Variants in FAM53A observed in about 807,000 individuals in gnomAD.
FAM53A encodes family with sequence similarity 53 member A.
Under a neutral mutation model 26.6 loss-of-function variants are expected in FAM53A, and 28 were observed. The ratio of observed to expected loss-of-function variants is 1.05; its 90% confidence interval spans 0.78 to 1.45. The LOEUF is 1.45. Ranked by LOEUF, FAM53A falls within the 40% of genes most tolerant of loss-of-function variation. FAM53A has a pLI of 0.00. For missense variants in FAM53A, 650 were observed against 575.8 expected (o/e 1.13, Z -1.32); for synonymous variants, 290 against 253.1 (o/e 1.15, Z -1.38).
chr4:1,666,749 C>A (rs1173673028), intron 2 of FAM53A, among the ~76,000 whole-genome samples: 1 of 152,276 alleles, frequency 6.6e-6, no homozygotes, highest in African/African-American at 2.4e-5. Flanking sequence ...CGCCTGTAAT[C>A]CCAACACTCT....
intron 2 of FAM53A, among the ~76,000 whole-genome samples, chr4:1,663,959 C>G (rs1277891838): frequency 1.3e-5 from 2 of 152,118 alleles, no homozygotes; most frequent in Non-Finnish European, 2.9e-5. Flanking sequence ...CCAGAACACA[C>G]ATGGGAGGGG....
intron 1 of FAM53A, among the ~76,000 whole-genome samples, chr4:1,626,815 A>C (rs982179751): frequency 6.6e-6 from 1 of 152,136 alleles, no homozygotes; most frequent in Non-Finnish European, 1.5e-5. Context: ...CACAGCCCTG[A>C]GTCTCCATCA....
chr4:1,591,220 G>A, the FAM53A span, among the ~76,000 whole-genome samples: 5 of 151,566 alleles, frequency 3.3e-5, no homozygotes, highest in Non-Finnish European at 7.4e-5. Flanking sequence ...CTTCTCTAAG[G>A]AGCATACAGC....
At chr4:1,623,108 C>T (rs145210073) in intron 1 of FAM53A, among the ~76,000 whole-genome samples, 234 of 152,360 alleles carry the variant, frequency 1.5e-3, no homozygotes, top group African/African-American at 5.4e-3. Context: ...GCCCGGCATG[C>T]GGTCCCCCAC....
At chr4:1,621,991 G>T (rs779772716) in intron 1 of FAM53A, among the ~76,000 whole-genome samples, 9 of 152,154 alleles carry the variant, frequency 5.9e-5, no homozygotes, top group Non-Finnish European at 1.0e-4. Context: ...TCTTGGGAAC[G>T]GGGCACATAT....
intron 1 of FAM53A, 23 bp from the exon 2 acceptor site, chr4:1,668,928 C>A (rs528816241): frequency 4.3e-5 from 24 of 556,946 alleles, no homozygotes; most frequent in Admixed American, 4.1e-4. Flanking sequence ...AGAGAGAAAT[C>A]ATCATGTGAT....
intron 2 of FAM53A, among the ~76,000 whole-genome samples, chr4:1,668,199 G>A (rs1177650714): frequency 6.6e-6 from 1 of 152,004 alleles, no homozygotes; most frequent in African/African-American, 2.4e-5. Flanking sequence ...GAGTGCAGTG[G>A]AGCGATCTCG....
the FAM53A span, among the ~76,000 whole-genome samples, chr4:1,597,040 G>A: frequency 3.3e-5 from 5 of 152,134 alleles, no homozygotes; most frequent in African/African-American, 4.8e-5. Context: ...CCAAGGCTCC[G>A]AGAGGGGACA....
chr4:1,579,584 C>A, the FAM53A span, among the ~76,000 whole-genome samples: 1 of 152,160 alleles, frequency 6.6e-6, no homozygotes, highest in Admixed American at 6.5e-5. Context: ...GCGGATGGCC[C>A]GACCTCTCTG....
At chr4:1,616,610 A>G (rs1328484881), downstream of FAM53A, among the ~76,000 whole-genome samples, 1 of 152,284 alleles carries the variant, frequency 6.6e-6, no homozygotes, top group Non-Finnish European at 1.5e-5. Context: ...TTATTTGAGC[A>G]AATACATTCT....
the FAM53A span, among the ~76,000 whole-genome samples, chr4:1,598,497 C>T: frequency 6.6e-6 from 1 of 152,226 alleles, no homozygotes; most frequent in Non-Finnish European, 1.5e-5. Context: ...AAGACAGCCA[C>T]GTTGGCACTC....
chr4:1,655,527 C>A lies in FAM53A; in HGVS notation c.333G>T (p.Ser111=), dbSNP rs761190684. 1 of 1,561,496 alleles carries A rather than the reference C, an allele frequency of 6.4e-7. No homozygotes were observed. The part of the protein sequence containing the change: ...STVDPSESTG[S]STAPPTKRHC... ...GCCGCTTGGTCGGTGGGGCCGTGGA[C>A]GAGCCTGTGCTTTCACTGGGGTCCA... The change falls in exon 4 of 5, where the codon TCG becomes TCT. Residue 111 remains serine (S), a synonymous_variant. Coordinates refer to ENST00000308132, the MANE Select transcript of FAM53A (RefSeq NM_001174070.3).
chr4:1,588,966 T>A, the FAM53A span, among the ~76,000 whole-genome samples: 1 of 152,202 alleles, frequency 6.6e-6, no homozygotes, highest in Non-Finnish European at 1.5e-5. Flanking sequence ...CCCTTTCCAA[T>A]CCAGTACTTC....
At chr4:1,599,026 C>T in the FAM53A span, among the ~76,000 whole-genome samples, 146 of 152,386 alleles carry the variant, frequency 9.6e-4, 1 homozygote, top group African/African-American at 3.1e-3. The surrounding 1 kb of genome is among the most constrained non-coding windows in gnomAD (Gnocchi z 6.1). Flanking sequence ...GTTCCTTCCC[C>T]GGCCCGCTTC....
At chr4:1,669,779 G>A (rs1191507591) in intron 1 of FAM53A, among the ~76,000 whole-genome samples, 1 of 152,204 alleles carries the variant, frequency 6.6e-6, no homozygotes, top group Non-Finnish European at 1.5e-5. Flanking sequence ...CCCTCGGAGT[G>A]ATACGGCACC....
downstream of FAM53A, among the ~76,000 whole-genome samples, chr4:1,636,445 T>C (rs935158643): frequency 4.4e-4 from 67 of 152,238 alleles, no homozygotes; most frequent in African/African-American, 1.6e-3. Context: ...AGTGCATTGC[T>C]TTGGGAAACA....
At chr4:1,672,311 C>T (rs1402188561) in intron 1 of FAM53A, among the ~76,000 whole-genome samples, 7 of 78,656 alleles carry the variant, frequency 8.9e-5, no homozygotes, top group African/African-American at 1.6e-4. Context: ...AACCCATGAA[C>T]CCATGGACCC....
In FAM53A at chr4:1,633,135, CA is replaced by C. The variant is rs1490282225; in HGVS notation, c.432-15025del. ...TCACAAACATAGGTACTCATGCTCACACACATAGGTACACGTGCTCACATGC... is the reference window on the plus strand; with the variant it reads ...TCACAAACATAGGTACTCATGCTCACCACATAGGTACACGTGCTCACATGC... On this transcript the variant is annotated intron_variant, in intron 1 of 1. Transcript: ENST00000489029. Among the ~76,000 whole-genome samples, 5 of 133,614 alleles carry C rather than the reference CA, an allele frequency of 3.7e-5. No homozygotes were observed. In the East Asian group the frequency reaches 1.1e-3, roughly 29 times the overall value. The allele number at this position is 133,614 out of a possible 152,430, so 87.7% of individuals were successfully genotyped here.
chr4:1,657,412 G>A lies in FAM53A; in HGVS notation c.132C>T (p.Leu44=), dbSNP rs756617129. Residue 44 remains leucine, a synonymous_variant, in exon 3 of 5, where the codon CTC becomes CTT. Coordinates refer to ENST00000308132, the MANE Select transcript of FAM53A (RefSeq NM_001174070.3). ...CACAGCTCCTAAAGTGCTCACCGTT[G>A]AGCTCCAAAGGGAACAGACGACCGC... The part of the protein sequence containing the change: ...NKSGRLFPLE[L]NDQSPWKVFS... 1.2e-6 allele frequency: 2 copies of A among 1,613,386 alleles called. No individual in the cohort carries two copies. The highest frequency in any genetic ancestry group is 2.2e-5 in the East Asian group (1 of 44,878).
Sources: allele counts gnomAD v4.1 joint callset (sites outside exome capture counted in the v4.1 genomes callset), GRCh38; gene constraint gnomAD v4.1.1; non-coding constraint Gnocchi (gnomAD v3.1); transcripts MANE v1.5; gene names NCBI Gene and HGNC (gene_info 2026-07-23, HGNC 2026-07-21).